The following GLDC variants were observed in gnomAD, a reference collection of about 807,000 sequenced individuals.
GLDC encodes the protein glycine dehydrogenase (decarboxylating), mitochondrial.
In GLDC, 104 loss-of-function variants were observed where a neutral mutation model predicts 121.3. The ratio of observed to expected loss-of-function variants is 0.86; its 90% confidence interval spans 0.73 to 1.01. The LOEUF is 1.01. Ranked by LOEUF, GLDC falls within the 50% of genes least tolerant of loss-of-function variation. The probability of loss-of-function intolerance (pLI) is 0.00; values close to 1 mark genes in which losing one functional copy is unlikely to be tolerated. For missense variants in GLDC, 1,429 were observed against 1,306.6 expected (o/e 1.09, Z -1.44); for synonymous variants, 546 against 480.6 (o/e 1.14, Z -1.78).
intron 15 of GLDC, among the ~76,000 whole-genome samples, chr9:6,579,596 T>C (rs1818136473): frequency 6.6e-6 from 1 of 152,178 alleles, no homozygotes; most frequent in Non-Finnish European, 1.5e-5. Context: ...TGGCCTTACG[T>C]GATCCTCCTA....
At chr9:6,560,072 A>T (rs1158537082) in intron 16 of GLDC, among the ~76,000 whole-genome samples, 2 of 152,238 alleles carry the variant, frequency 1.3e-5, no homozygotes, top group African/African-American at 4.8e-5. Context: ...TCTCAGACTC[A>T]AATCATCCTT....
In GLDC at chr9:6,563,954, A is replaced by C. The variant is rs143363824; in HGVS notation, c.1926+1400T>G. On this transcript the variant is annotated intron_variant, in intron 16 of 24. Coordinates refer to ENST00000321612, the MANE Select transcript of GLDC (RefSeq NM_000170.3). ...AAGGCTGCAGTGAGCTATGAAGAGA[A>C]AAAAAAAAGGGCCAGGCGCAGTGGC... Among the ~76,000 whole-genome samples, 3 of 151,032 alleles carry C rather than the reference A, an allele frequency of 2.0e-5. No individual in the cohort carries two copies. In the East Asian group the frequency reaches 5.8e-4, roughly 29 times the overall value.
chr9:6,587,314 T>C, intron 14 of GLDC, 31 bp from the exon 15 acceptor site: 2 of 1,521,996 alleles, frequency 1.3e-6, no homozygotes, highest in Non-Finnish European at 1.8e-6. Flanking sequence ...AATGCATATA[T>C]ACATATTATA....
intron 2 of GLDC, among the ~76,000 whole-genome samples, chr9:6,640,180 C>T (rs1387777474): frequency 6.6e-6 from 1 of 152,240 alleles, no homozygotes; most frequent in Non-Finnish European, 1.5e-5. Flanking sequence ...AAGCTCATTA[C>T]AGCCTTTGTT....
At chr9:6,586,724 C>T (rs1458005489) in intron 15 of GLDC, among the ~76,000 whole-genome samples, 1 of 152,148 alleles carries the variant, frequency 6.6e-6, no homozygotes, top group Non-Finnish European at 1.5e-5. Context: ...AATCTGGGCT[C>T]GCCTCGTGAC....
At chr9:6,553,234 A>T in intron 20 of GLDC, 134 bp downstream of exon 20, 4 of 781,604 alleles carry the variant, frequency 5.1e-6, no homozygotes, top group Non-Finnish European at 8.5e-6. Context: ...CCAGGCCATC[A>T]GCAATATTCT....
At chr9:6,620,647 T>C (rs1012105808) in intron 2 of GLDC, among the ~76,000 whole-genome samples, 1 of 152,198 alleles carries the variant, frequency 6.6e-6, no homozygotes, top group Non-Finnish European at 1.5e-5. Flanking sequence ...CTGCTGTATA[T>C]ACGCTAAATA....
At chr9:6,550,772 A>G (rs373477323) in intron 21 of GLDC, 31 bp downstream of exon 21, 3 of 1,459,482 alleles carry the variant, frequency 2.1e-6, no homozygotes, top group Non-Finnish European at 1.9e-6. Flanking sequence ...GAAAAAAACC[A>G]AAGTAATGAT....
intron 8 of GLDC, among the ~76,000 whole-genome samples, chr9:6,599,017 C>T (rs1818545593): frequency 6.6e-6 from 1 of 151,880 alleles, no homozygotes; most frequent in South Asian, 2.1e-4. Context: ...CCCATCTCTA[C>T]TAAAAATACA....
intron 8 of GLDC, among the ~76,000 whole-genome samples, chr9:6,597,885 G>C (rs1198301884): frequency 6.6e-6 from 1 of 151,934 alleles, no homozygotes; most frequent in Non-Finnish European, 1.5e-5. Context: ...CAGTGAGCGA[G>C]ATGGCGCTAC....
intron 3 of GLDC, among the ~76,000 whole-genome samples, chr9:6,614,715 T>C (rs1818934030): frequency 6.6e-6 from 1 of 152,146 alleles, no homozygotes; most frequent in Non-Finnish European, 1.5e-5. Flanking sequence ...TCTACAGTCA[T>C]GCATGGCTTA....
rs188365484 is a variant in GLDC at position 6,605,457 on chromosome 9, C to G, written c.714-179G>C. ...GGTAACTACATCACAGCAACTCAAG[C>G]GCATCCAACAGCTCTGCTTCTGTTC... On this transcript the variant is annotated intron_variant, in intron 5 of 24. Transcript: ENST00000321612. 1,126 of 664,568 alleles carry G rather than the reference C, an allele frequency of 1.7e-3. 6 individuals are homozygous for G. The highest frequency in any genetic ancestry group is 1.9e-3 in the Non-Finnish European group (713 of 366,430). The allele number at this position is 664,568 out of a possible 1,614,324, so 41.2% of individuals were successfully genotyped here.
rs772351971 is a variant in GLDC at position 6,554,656 on chromosome 9, G to T, written c.2315+13C>A. ...CTCCAAAGCCATCCTGAAACCAGCA[G>T]CCCAGAACTTACACTCCGATGGGCC... On this transcript the variant is annotated intron_variant, in intron 19 of 24. Coordinates refer to ENST00000321612, the MANE Select transcript of GLDC (RefSeq NM_000170.3). 2.6e-6 allele frequency: 4 copies of T among 1,566,966 alleles called. No individual in the cohort carries two copies. The highest frequency in any genetic ancestry group is 3.5e-6 in the Non-Finnish European group (4 of 1,139,812).
At chr9:6,565,778 G>C (rs1037387476) in intron 15 of GLDC, 2 of 509,990 alleles carry the variant, frequency 3.9e-6, no homozygotes, top group East Asian at 6.5e-5. Flanking sequence ...GAACTACGAC[G>C]TGTGTGTCAG....
intron 1 of GLDC, chr9:6,644,894 G>C: frequency 1.6e-6 from 1 of 631,902 alleles, no homozygotes; most frequent in South Asian, 1.9e-5. Context: ...CCGCCACTCG[G>C]GGTTGGATTT....
chr9:6,553,041 G>C (rs1177126558), intron 20 of GLDC, among the ~76,000 whole-genome samples: 2 of 152,074 alleles, frequency 1.3e-5, no homozygotes, highest in African/African-American at 4.8e-5. Context: ...AAATCCTGCA[G>C]GAAACCAAAG....
intron 15 of GLDC, among the ~76,000 whole-genome samples, chr9:6,578,688 T>A (rs1818119569): frequency 6.6e-6 from 1 of 152,020 alleles, no homozygotes; most frequent in Non-Finnish European, 1.5e-5. Context: ...CACAGGTGCT[T>A]GCCACCATGC....
Position 6,581,118 on chromosome 9 carries a change from C to T in GLDC, c.1850+6023G>A, listed in dbSNP as rs75725887. 5.2e-3 allele frequency among the ~76,000 whole-genome samples: 792 copies of T among 152,266 alleles called. 4 individuals are homozygous for T. The highest frequency in any genetic ancestry group is 0.031 in the South Asian group (152 of 4,828). ...AGCCTCAAGTATTGAGGGGTTAAGGCCCCCGGGGTGAAGCCTTCAACAAAT... is the reference window on the plus strand; with the variant it reads ...AGCCTCAAGTATTGAGGGGTTAAGGTCCCCGGGGTGAAGCCTTCAACAAAT... On this transcript the variant is annotated intron_variant, in intron 15 of 24. Transcript: ENST00000321612.
chr9:6,640,645 C>G (rs181216580), intron 2 of GLDC, among the ~76,000 whole-genome samples: 68 of 152,320 alleles, frequency 4.5e-4, no homozygotes, highest in African/African-American at 1.5e-3. Flanking sequence ...AGTTTCTCCT[C>G]TCTCTTCCAC....
Sources: gnomAD v4.1 joint callset for allele counts (sites outside exome capture counted in the v4.1 genomes callset) on GRCh38, gnomAD v4.1.1 for gene constraint, MANE v1.5 for transcripts, NCBI Gene and HGNC (gene_info 2026-07-23, HGNC 2026-07-21) for gene names.